The following CCDC170 variants were observed in gnomAD, a reference collection of about 807,000 sequenced individuals.
CCDC170 encodes coiled-coil domain-containing protein 170.
Under a neutral mutation model 72.6 loss-of-function variants are expected in CCDC170, and 69 were observed. The ratio of observed to expected loss-of-function variants is 0.95; its 90% CI spans 0.78 to 1.16. The LOEUF is 1.16. Ranked by LOEUF, CCDC170 falls within the 50% of genes most tolerant of loss-of-function variation. The pLI is 0.00. For synonymous variants in CCDC170, 300 were observed against 303.9 expected, an observed-to-expected ratio of 0.99 and a Z score of 0.13; for missense variants, 852 against 832.5, an observed-to-expected ratio of 1.02 and a Z score of -0.29.
chr6:151,547,863 A>G (rs1782801665), intron 4 of CCDC170, among the ~76,000 whole-genome samples: 1 of 152,224 alleles, frequency 6.6e-6, no homozygotes, highest in Admixed American at 6.5e-5. Context: ...TCCTATGCTT[A>G]TATTACATAG....
At chr6:151,551,376 A>G (rs1310485742) in intron 5 of CCDC170, among the ~76,000 whole-genome samples, 1 of 152,222 alleles carries the variant, frequency 6.6e-6, no homozygotes, top group Non-Finnish European at 1.5e-5. Flanking sequence ...AATGCCGGAT[A>G]CCATCTGTGG....
chr6:151,566,798 TTGAA>T (rs1321192912), intron 5 of CCDC170, among the ~76,000 whole-genome samples: 1 of 152,338 alleles, frequency 6.6e-6, no homozygotes, highest in Admixed American at 6.5e-5. Flanking sequence ...CATACACACT[TTGAA>T]TGAATACTGC....
At chr6:151,592,513 C>T (rs1447589474) in intron 7 of CCDC170, among the ~76,000 whole-genome samples, 1 of 152,166 alleles carries the variant, frequency 6.6e-6, no homozygotes, top group Non-Finnish European at 1.5e-5. Context: ...TACATGGTGG[C>T]AGGCAAAGAG....
intron 10 of CCDC170, 143 bp downstream of exon 10, chr6:151,615,822 C>A: frequency 1.5e-6 from 1 of 669,306 alleles, no homozygotes; most frequent in Non-Finnish European, 2.6e-6. Flanking sequence ...TTACGAGGGC[C>A]GTGCTAATTT....
intron 1 of CCDC170, among the ~76,000 whole-genome samples, chr6:151,500,910 A>G (rs1296614756): frequency 6.6e-6 from 1 of 152,162 alleles, no homozygotes; most frequent in Non-Finnish European, 1.5e-5. Flanking sequence ...GAGCTGCTAA[A>G]AGTGCTAAAA....
intron 1 of CCDC170, among the ~76,000 whole-genome samples, chr6:151,507,889 C>G (rs977015118): frequency 6.6e-6 from 1 of 150,966 alleles, no homozygotes; most frequent in African/African-American, 2.4e-5. Flanking sequence ...CCACTGTACT[C>G]CAGCCTGATA....
intron 1 of CCDC170, among the ~76,000 whole-genome samples, chr6:151,519,450 T>C (rs868542322): frequency 3.3e-5 from 5 of 152,244 alleles, no homozygotes; most frequent in African/African-American, 9.6e-5. Flanking sequence ...ACTGATTTCA[T>C]ATTGTTCAAA....
At chr6:151,530,503 G>T (rs552732917) in intron 1 of CCDC170, among the ~76,000 whole-genome samples, 1 of 151,320 alleles carries the variant, frequency 6.6e-6, no homozygotes, top group African/African-American at 2.4e-5. Context: ...GTGCAGTGGC[G>T]TGATCTTGGC....
intron 5 of CCDC170, among the ~76,000 whole-genome samples, chr6:151,564,744 G>T (rs1416849084): frequency 6.6e-6 from 1 of 152,128 alleles, no homozygotes; most frequent in African/African-American, 2.4e-5. Flanking sequence ...GGTGGATGTG[G>T]CAGAGTAATC....
chr6:151,547,673 T>C (rs1313519123), intron 4 of CCDC170, among the ~76,000 whole-genome samples: 1 of 152,146 alleles, frequency 6.6e-6, no homozygotes, highest in African/African-American at 2.4e-5. Flanking sequence ...CCCCTGGCCC[T>C]ACAGAGTGAA....
chr6:151,518,295 G>C (rs1782266169), intron 1 of CCDC170, among the ~76,000 whole-genome samples: 3 of 152,124 alleles, frequency 2.0e-5, no homozygotes. Context: ...CCAGGGGGTG[G>C]GATCTTGGAG....
intron 4 of CCDC170, among the ~76,000 whole-genome samples, chr6:151,547,477 G>A (rs1782794068): frequency 1.3e-5 from 2 of 152,230 alleles, no homozygotes; most frequent in African/African-American, 4.8e-5. Flanking sequence ...GAGTTTTGAG[G>A]GCCATTGAGG....
At position 151,548,355 on chromosome 6, in the gene CCDC170, C is replaced by G; in HGVS notation, c.640C>G (p.Leu214Val). Residue 214 changes from leucine to valine, a missense_variant, in exon 5 of 11, where the codon CTT (leucine) becomes GTT (valine). Coordinates refer to ENST00000239374, the MANE Select transcript of CCDC170 (RefSeq NM_025059.4). ...NEFVKGQIVI[L>V]EETINVHEME... ...ATTCGTGAAAGGACAAATTGTTATT[C>G]TTGAAGAGACTATAAATGTCCATGA... 6.2e-7 allele frequency: 1 copy of G among 1,608,894 alleles called. No individual in the cohort carries two copies. The highest frequency in any genetic ancestry group is 8.5e-7 in the Non-Finnish European group (1 of 1,177,292).
Position 151,563,310 on chromosome 6 carries a change from GAGATGACCGCTCT to G in CCDC170, c.775-9863_775-9851del, listed in dbSNP as rs1776076069. 5.3e-5 allele frequency among the ~76,000 whole-genome samples: 8 copies of G among 152,336 alleles called. No homozygotes were observed. In the South Asian group the frequency reaches 1.7e-3, roughly 32 times the overall value. On this transcript the variant is annotated intron_variant, in intron 5 of 10. Transcript: ENST00000239374. ...TGTCCATAACTGCATAAGTGGGGTG[GAGATGACCGCTCT>G]CTACATATCTTCCCTGGCTATGGGA...
chr6:151,541,657 C>T (rs1226424786), intron 3 of CCDC170, among the ~76,000 whole-genome samples: 1 of 151,352 alleles, frequency 6.6e-6, no homozygotes. Flanking sequence ...ATTTTTTATA[C>T]AGAAAAGTGC....
intron 9 of CCDC170, among the ~76,000 whole-genome samples, chr6:151,610,011 C>A (rs1776844780): frequency 6.6e-6 from 1 of 152,204 alleles, no homozygotes; most frequent in African/African-American, 2.4e-5. Context: ...AACAGACAGG[C>A]TGAATGTATC....
At chr6:151,611,017 C>T (rs1776861163) in intron 9 of CCDC170, among the ~76,000 whole-genome samples, 1 of 152,196 alleles carries the variant, frequency 6.6e-6, no homozygotes. Context: ...AGAAAGGTGT[C>T]TTAGTCTCTC....
chr6:151,533,260 T>C (rs1782520004), intron 1 of CCDC170, among the ~76,000 whole-genome samples: 1 of 151,520 alleles, frequency 6.6e-6, no homozygotes, highest in Non-Finnish European at 1.5e-5. Context: ...TTCACCATGT[T>C]AGCCAGGATG....
chr6:151,513,826 A>G (rs1486575515), intron 1 of CCDC170, among the ~76,000 whole-genome samples: 1 of 149,466 alleles, frequency 6.7e-6, no homozygotes, highest in Non-Finnish European at 1.5e-5. Context: ...AGGCTGAGGC[A>G]GGAGAATCGC....
Sources: gnomAD v4.1 joint callset for allele counts (sites outside exome capture counted in the v4.1 genomes callset) on GRCh38, gnomAD v4.1.1 for gene constraint, MANE v1.5 for transcripts, NCBI Gene and HGNC (gene_info 2026-07-23, HGNC 2026-07-21) for gene names.